EPC2: variants seen among roughly 807,000 people sequenced by gnomAD.
EPC2 encodes the protein enhancer of polycomb 2, also known as enhancer of polycomb homolog 2.
A neutral mutation model predicts 92.1 loss-of-function variants in EPC2; 14 were observed. The ratio of observed to expected loss-of-function variants is 0.15; its 90% CI spans 0.10 to 0.24. The LOEUF (loss-of-function observed/expected upper bound fraction) is 0.24. Among genes scored for constraint, EPC2 ranks in the 10% least tolerant of loss-of-function variants. The pLI is 1.00. For missense variants in EPC2, 755 were observed against 971.5 expected (o/e 0.78, Z 2.96); for synonymous variants, 340 against 334.7 (o/e 1.02, Z -0.17).
intron 6 of EPC2, among the ~76,000 whole-genome samples, chr2:148,763,020 A>G (rs1236330405): frequency 6.6e-6 from 1 of 152,102 alleles, no homozygotes; most frequent in Non-Finnish European, 1.5e-5. Flanking sequence ...CATCTGTGTG[A>G]CTTCTATATA....
intron 2 of EPC2, among the ~76,000 whole-genome samples, chr2:148,718,982 A>G (rs1181139788): frequency 1.3e-5 from 2 of 151,914 alleles, no homozygotes; most frequent in Non-Finnish European, 2.9e-5. Flanking sequence ...CTTAATTCAG[A>G]AAGCCAGTCT....
chr2:148,782,546 CA>C (rs35007515), intron 11 of EPC2, among the ~76,000 whole-genome samples: 1 of 103,046 alleles, frequency 9.7e-6, no homozygotes, highest in Non-Finnish European at 2.0e-5. Context: ...CCAAAAAAAA[CA>C]AAAAAAATTA....
chr2:148,750,538 T>A (rs1683065843), intron 3 of EPC2, among the ~76,000 whole-genome samples: 1 of 152,116 alleles, frequency 6.6e-6, no homozygotes, highest in Non-Finnish European at 1.5e-5. Context: ...TAATTTAATT[T>A]ATGCAGAATA....
chr2:148,748,490 C>T (rs529775793), intron 3 of EPC2, among the ~76,000 whole-genome samples: 5 of 151,938 alleles, frequency 3.3e-5, no homozygotes, highest in East Asian at 3.9e-4. Context: ...TAAATCAAAC[C>T]AGTTTTTTGT....
At chr2:148,766,301 A>G (rs1356759823) in intron 7 of EPC2, among the ~76,000 whole-genome samples, 2 of 152,216 alleles carry the variant, frequency 1.3e-5, no homozygotes, top group East Asian at 3.8e-4. Flanking sequence ...AACCATTTAA[A>G]ATCTGGAGTT....
intron 1 of EPC2, among the ~76,000 whole-genome samples, chr2:148,661,686 A>G (rs1277914135): frequency 6.9e-6 from 1 of 145,496 alleles, no homozygotes; most frequent in Non-Finnish European, 1.5e-5. Flanking sequence ...ATAGCATATA[A>G]TACATATATT....
At chr2:148,757,374 T>C (rs1224491674) in intron 4 of EPC2, among the ~76,000 whole-genome samples, 1 of 151,596 alleles carries the variant, frequency 6.6e-6, no homozygotes, top group African/African-American at 2.4e-5. Flanking sequence ...AGACTCCGTC[T>C]CAAAACAAAA....
In EPC2 at chr2:148,784,795, C is replaced by T. The variant is rs778538379; in HGVS notation, c.2145C>T (p.Ser715=). 40 of 1,613,884 alleles carry T rather than the reference C, an allele frequency of 2.5e-5. No homozygotes were observed. The highest frequency in any genetic ancestry group is 8.9e-5 in the East Asian group (4 of 44,898). Residue 715 remains serine (S), a synonymous_variant, in exon 13 of 14, where the codon AGC becomes AGT. Transcript: ENST00000258484. ...ACTTAATCCCAGCATTGTGCACAAGCAGTCCTCAGACACTTCCCATGAACA... is the reference window on the plus strand; with the variant it reads ...ACTTAATCCCAGCATTGTGCACAAGTAGTCCTCAGACACTTCCCATGAACA... ...TNHLIPALCT[S]SPQTLPMNNS... is the part of the protein sequence containing the mutation.
chr2:148,697,729 C>A (rs914586869), intron 2 of EPC2, among the ~76,000 whole-genome samples: 1 of 152,168 alleles, frequency 6.6e-6, no homozygotes, highest in East Asian at 1.9e-4. Flanking sequence ...TGTGTGCACG[C>A]ATACACTAGA....
chr2:148,766,678 A>T (rs1043598434), intron 7 of EPC2, among the ~76,000 whole-genome samples: 3 of 152,232 alleles, frequency 2.0e-5, no homozygotes, highest in African/African-American at 4.8e-5. Flanking sequence ...TGGAGCACAA[A>T]ACATAGAAGA....
At chr2:148,671,286 GATTTTT>G (rs1407841274) in intron 1 of EPC2, among the ~76,000 whole-genome samples, 39 of 130,620 alleles carry the variant, frequency 3.0e-4, no homozygotes, top group African/African-American at 1.1e-3. Context: ...TGTGGATTGT[GATTTTT>G]TTTTTTTTTT....
intron 2 of EPC2, among the ~76,000 whole-genome samples, chr2:148,726,540 G>A (rs913589554): frequency 6.6e-5 from 10 of 152,010 alleles, no homozygotes; most frequent in Admixed American, 4.6e-4. Context: ...GTTTTGATTT[G>A]CATTTCCCTG....
At position 148,764,965 on chromosome 2, in the gene EPC2, A is replaced by G; in HGVS notation, c.959A>G (p.His320Arg). 1 of 1,557,322 alleles carries G rather than the reference A, an allele frequency of 6.4e-7. No individual in the cohort carries two copies. The highest frequency in any genetic ancestry group is 8.7e-7 in the Non-Finnish European group (1 of 1,154,092). The change falls in exon 7 of 14, where the codon CAT becomes CGT. Residue 320 changes from histidine to arginine, a missense_variant. Physicochemically the swap from His to Arg is conservative, Grantham distance 29 (BLOSUM62 0). Coordinates refer to ENST00000258484, the MANE Select transcript of EPC2 (RefSeq NM_015630.4). Reference sequence around the variant, plus strand: ...TCGTCATGTAAACAGCACCCTCATCATTTGTCTTTGAAAGAAGAGGCTTCT... The same window carrying G: ...TCGTCATGTAAACAGCACCCTCATCGTTTGTCTTTGAAAGAAGAGGCTTCT... ...VQECKTKHPH[H>R]LSLKEEASDV...
chr2:148,754,881 C>T (rs578048078), intron 4 of EPC2, among the ~76,000 whole-genome samples: 1 of 152,306 alleles, frequency 6.6e-6, no homozygotes, highest in Admixed American at 6.5e-5. Flanking sequence ...GAGGAGTATT[C>T]ACTGTCTTCC....
At chr2:148,742,178 AT>A (rs1682890967) in intron 2 of EPC2, among the ~76,000 whole-genome samples, 1 of 152,174 alleles carries the variant, frequency 6.6e-6, no homozygotes, top group Non-Finnish European at 1.5e-5. Context: ...GTCATAACTA[AT>A]ACCCTGTGTA....
At chr2:148,718,788 T>G (rs1285640351) in intron 2 of EPC2, among the ~76,000 whole-genome samples, 1 of 152,238 alleles carries the variant, frequency 6.6e-6, no homozygotes, top group East Asian at 1.9e-4. Flanking sequence ...TTGGCCTGTC[T>G]TGGTAAGTTG....
intron 1 of EPC2, among the ~76,000 whole-genome samples, chr2:148,686,593 C>T (rs1393144010): frequency 2.0e-5 from 3 of 152,192 alleles, no homozygotes; most frequent in African/African-American, 4.8e-5. Context: ...GCAGCTATTG[C>T]CTTACAAAAT....
At chr2:148,694,251 A>T (rs1681700764) in intron 2 of EPC2, among the ~76,000 whole-genome samples, 1 of 152,168 alleles carries the variant, frequency 6.6e-6, no homozygotes. Context: ...ACCAACTGTT[A>T]ATTTAGCCCA....
At chr2:148,772,447 A>C (rs1197523187) in intron 10 of EPC2, among the ~76,000 whole-genome samples, 1 of 152,196 alleles carries the variant, frequency 6.6e-6, no homozygotes, top group African/African-American at 2.4e-5. Context: ...ATGTGAAATT[A>C]TCATCTTAAA....
Sources: gnomAD v4.1 joint callset for allele counts (sites outside exome capture counted in the v4.1 genomes callset) on GRCh38, gnomAD v4.1.1 for gene constraint, MANE v1.5 for transcripts, NCBI Gene and HGNC (gene_info 2026-07-23, HGNC 2026-07-21) for gene names.